Variants in FAM124A observed in about 807,000 individuals in gnomAD.
The protein encoded by FAM124A is family with sequence similarity 124 member A.
In FAM124A, 23 loss-of-function variants were observed where a neutral mutation model predicts 24.5. The ratio of observed to expected loss-of-function variants is 0.94; its 90% CI spans 0.68 to 1.33. The LOEUF is 1.33. FAM124A is among the 40% of genes most tolerant of loss of function. The pLI, the probability that FAM124A is intolerant of heterozygous loss-of-function variation, is 0.00. For synonymous variants in FAM124A, 287 were observed against 314.7 expected (o/e 0.91, Z 0.93); for missense variants, 623 against 722.8 (o/e 0.86, Z 1.58).
At position 51,279,484 on chromosome 13, in the gene FAM124A, C is replaced by T. The variant is rs1209107957; in HGVS notation, c.835-966C>T. 2.6e-5 allele frequency among the ~76,000 whole-genome samples: 4 copies of T among 152,154 alleles called. No homozygotes were observed. In the East Asian group the frequency reaches 7.7e-4, roughly 29 times the overall value. ...CAAGCCAGACCGACTGCCCCCAAAC[C>T]CATTATTTAATTGAAACCTTGGATG... On this transcript the variant is annotated intron_variant, in intron 3 of 3. Coordinates refer to ENST00000322475, the MANE Select transcript of FAM124A (RefSeq NM_001242312.2).
intron 3 of FAM124A, among the ~76,000 whole-genome samples, chr13:51,259,518 C>CG (rs1418557443): frequency 6.6e-6 from 1 of 152,066 alleles, no homozygotes; most frequent in Admixed American, 6.5e-5. Context: ...CATAAACACA[C>CG]GCCGGCTGCC....
intron 3 of FAM124A, among the ~76,000 whole-genome samples, chr13:51,263,998 A>G (rs1000717284): frequency 1.3e-5 from 2 of 152,194 alleles, no homozygotes; most frequent in African/African-American, 4.8e-5. Context: ...CTTTTAGGAG[A>G]ATCATTCAAA....
intron 2 of FAM124A, among the ~76,000 whole-genome samples, chr13:51,237,237 A>G (rs747399175): frequency 2.6e-5 from 4 of 152,200 alleles, no homozygotes; most frequent in Non-Finnish European, 5.9e-5. Context: ...TATTAGTAAT[A>G]CTAATGATTG....
chr13:51,243,679 G>GC (rs1304686817), intron 2 of FAM124A, among the ~76,000 whole-genome samples: 2 of 152,004 alleles, frequency 1.3e-5, no homozygotes, highest in Non-Finnish European at 2.9e-5. Context: ...GACTACAGGC[G>GC]CCCGCCACCA....
At chr13:51,229,869 GA>G (rs1435643325) in intron 1 of FAM124A, among the ~76,000 whole-genome samples, 1 of 152,146 alleles carries the variant, frequency 6.6e-6, no homozygotes, top group East Asian at 1.9e-4. Flanking sequence ...CTGGGCTTCA[GA>G]ATGTTGCTAA....
At chr13:51,266,435 C>CA (rs1224196445) in intron 3 of FAM124A, among the ~76,000 whole-genome samples, 3 of 152,114 alleles carry the variant, frequency 2.0e-5, no homozygotes, top group Non-Finnish European at 4.4e-5. Context: ...GTTCAGTTAG[C>CA]AGGGACTCAG....
At chr13:51,276,618 C>T (rs537318146) in intron 3 of FAM124A, among the ~76,000 whole-genome samples, 2 of 152,300 alleles carry the variant, frequency 1.3e-5, no homozygotes, top group Non-Finnish European at 2.9e-5. Context: ...AGAAAGACAA[C>T]ACAGGCTTTG....
At chr13:51,270,852 C>T (rs1235790638) in intron 3 of FAM124A, among the ~76,000 whole-genome samples, 1 of 152,188 alleles carries the variant, frequency 6.6e-6, no homozygotes, top group African/African-American at 2.4e-5. Context: ...ATAAGCATTA[C>T]AAATATATTC....
At chr13:51,257,522 G>T (rs1954687873) in intron 3 of FAM124A, among the ~76,000 whole-genome samples, 1 of 152,216 alleles carries the variant, frequency 6.6e-6, no homozygotes, top group Non-Finnish European at 1.5e-5. Context: ...CATAAAACAT[G>T]CATCAGATCA....
At chr13:51,262,970 AGGGTCAGGTAGAGGGCTCCT>A (rs1954751633) in intron 3 of FAM124A, among the ~76,000 whole-genome samples, 1 of 152,254 alleles carries the variant, frequency 6.6e-6, no homozygotes, top group African/African-American at 2.4e-5. Context: ...CCCAGGCCAC[AGGGTCAGGTAGAGGGCTCCT>A]GGGCCCACTG....
chr13:51,230,449 A>T (rs1954362432), intron 1 of FAM124A, among the ~76,000 whole-genome samples: 1 of 152,258 alleles, frequency 6.6e-6, no homozygotes, highest in Non-Finnish European at 1.5e-5. Context: ...ATAATTAAGC[A>T]GTTTATTTGC....
chr13:51,247,244 T>A (rs1286588884), intron 2 of FAM124A, among the ~76,000 whole-genome samples: 1 of 152,200 alleles, frequency 6.6e-6, no homozygotes, highest in Admixed American at 6.5e-5. Flanking sequence ...GCCACTCTGC[T>A]GTGAAAGGGA....
Position 51,280,751 on chromosome 13 carries a change from C to G in FAM124A, c.1136C>G (p.Pro379Arg). Residue 379 changes from proline to arginine, a missense_variant, in exon 4 of 4, where the codon CCA becomes CGA. Physicochemically the swap from Pro to Arg is moderately radical, Grantham distance 103. Transcript: ENST00000322475. ...CCCTCCCTGGCCTCCTCAGCTGAAC[C>G]ACAGTGGTTTTCAAACACAGGTGCC... is the stretch of plus-strand genomic sequence containing the variant. ...GGPSLASSAEPQWFSNTGAPG... is the reference protein window; with the variant it reads ...GGPSLASSAERQWFSNTGAPG... The G allele has an allele frequency of 6.2e-7, 1 of 1,614,246 alleles. No individual in the cohort carries two copies. The highest frequency in any genetic ancestry group is 8.5e-7 in the Non-Finnish European group (1 of 1,180,052).
At chr13:51,252,460 T>C (rs1954635668) in intron 3 of FAM124A, 2 of 543,164 alleles carry the variant, frequency 3.7e-6, no homozygotes, top group Non-Finnish European at 6.4e-6. Flanking sequence ...CCTTCTGTCC[T>C]CCCCTATTGG....
intron 3 of FAM124A, among the ~76,000 whole-genome samples, chr13:51,267,331 T>C (rs1038133869): frequency 1.3e-5 from 2 of 152,192 alleles, no homozygotes; most frequent in African/African-American, 4.8e-5. Context: ...ACAAAATATA[T>C]AGGATTTTGA....
rs1184991653 is a variant in FAM124A, at chr13:51,283,266, C to G, written c.*2010C>G. 6.6e-6 allele frequency: 1 copy of G among 152,196 alleles called. No individual in the cohort carries two copies. The highest frequency in any genetic ancestry group is 2.4e-5 in the African/African-American group (1 of 41,430). 9.4% of individuals were successfully genotyped at this position (152,196 alleles called of 1,614,324 possible). On this transcript the variant is annotated 3_prime_UTR_variant, in exon 4 of 4. Transcript: ENST00000322475. ...CCATGTTGGCCAGGTTGGTCTCAAA[C>G]TCCTGACTTCGTGATCCACCCACCT...
chr13:51,280,510 A>C lies in FAM124A; in HGVS notation c.895A>C (p.Lys299Gln), dbSNP rs752183637. The C allele has an allele frequency of 5.6e-6, 9 of 1,613,902 alleles. No individual in the cohort carries two copies. The highest frequency in any genetic ancestry group is 3.3e-5 in the Admixed American group (2 of 59,974). Reference sequence around the variant, plus strand: ...CAGAGTACATCATGCCTCCGAGAAGAAACGTCATTCCACTCCTTTGCCGAG... The same window carrying C: ...CAGAGTACATCATGCCTCCGAGAAGCAACGTCATTCCACTCCTTTGCCGAG... ...PGRVHHASEKKRHSTPLPSTA... is the reference protein window; with the variant it reads ...PGRVHHASEKQRHSTPLPSTA... The change falls in exon 4 of 4, where the codon AAA becomes CAA. Residue 299 changes from lysine to glutamine, a missense_variant. Lys to Gln is a moderately conservative substitution (Grantham distance 53, BLOSUM62 1). Transcript: ENST00000322475.
Position 51,222,582 on chromosome 13 carries a change from G to C in FAM124A, c.68+13G>C, listed in dbSNP as rs1050917004. The C allele has an allele frequency of 8.2e-7, 1 of 1,222,446 alleles. No homozygotes were observed. Among genetic ancestry groups the C allele is most frequent in the African/African-American group, 1.6e-5 (1 of 63,704 alleles). The allele number at this position is 1,222,446 out of a possible 1,614,324, so 75.7% of individuals were successfully genotyped here. On this transcript the variant is annotated intron_variant, in intron 1 of 3. Transcript: ENST00000322475. ...CCGAGACCGGAGGGTGAGCCGCGCC[G>C]GGCCGGGCCGCGGGCGGGGGGCGCT...
intron 1 of FAM124A, among the ~76,000 whole-genome samples, chr13:51,226,905 G>A (rs984427461): frequency 1.3e-5 from 2 of 152,142 alleles, no homozygotes; most frequent in Admixed American, 1.3e-4. Flanking sequence ...TTCCTCCTCT[G>A]TACAAGAGGG....
Sources: gnomAD v4.1 joint callset for allele counts (sites outside exome capture counted in the v4.1 genomes callset) on GRCh38, gnomAD v4.1.1 for gene constraint, MANE v1.5 for transcripts, NCBI Gene and HGNC (gene_info 2026-07-23, HGNC 2026-07-21) for gene names.